CAMK1D: variants seen among roughly 807,000 people sequenced by gnomAD.
CAMK1D encodes the protein calcium/calmodulin-dependent protein kinase type 1D.
Under a neutral mutation model 47.7 loss-of-function variants are expected in CAMK1D, and 9 were observed. The observed-to-expected ratio is 0.19, with a 90% CI of 0.11 to 0.33. CAMK1D has a LOEUF of 0.33. CAMK1D is among the 10% of genes least tolerant of loss of function. The probability of loss-of-function intolerance (pLI) is 1.00; values close to 1 mark genes in which losing one functional copy is unlikely to be tolerated. For missense variants in CAMK1D, 291 were observed against 488.7 expected (o/e 0.60, Z 3.81); for synonymous variants, 184 against 184.9 (o/e 0.99, Z 0.04).
chr10:12,506,861 G>A (rs190064340), intron 1 of CAMK1D, among the ~76,000 whole-genome samples: 251 of 152,278 alleles, frequency 1.6e-3, no homozygotes, highest in African/African-American at 5.6e-3. Context: ...CCCCGAGCCC[G>A]AGGGTAGGAC....
At chr10:12,747,798 A>G (rs749962761) in intron 3 of CAMK1D, among the ~76,000 whole-genome samples, 2 of 152,122 alleles carry the variant, frequency 1.3e-5, no homozygotes, top group Non-Finnish European at 2.9e-5. Flanking sequence ...TCAAAGTCCA[A>G]AGGCAGGAAA....
intron 1 of CAMK1D, among the ~76,000 whole-genome samples, chr10:12,420,636 CT>C (rs1257252189): frequency 1.3e-5 from 2 of 152,080 alleles, no homozygotes; most frequent in African/African-American, 4.8e-5. Context: ...TTCTAACAGC[CT>C]CTGTCTTGCT....
intron 2 of CAMK1D, among the ~76,000 whole-genome samples, chr10:12,643,908 C>T (rs1839745191): frequency 6.6e-6 from 1 of 151,378 alleles, no homozygotes; most frequent in African/African-American, 2.4e-5. Flanking sequence ...AAATCTAATG[C>T]GTGATGATCT....
chr10:12,820,758 G>T, intron 8 of CAMK1D, among the ~76,000 whole-genome samples: 1 of 152,214 alleles, frequency 6.6e-6, no homozygotes, highest in Non-Finnish European at 1.5e-5. Flanking sequence ...GCAGATGGAG[G>T]CAGCCGGCCT....
intron 6 of CAMK1D, among the ~76,000 whole-genome samples, chr10:12,803,942 C>T (rs1838599724): frequency 2.0e-5 from 3 of 152,184 alleles, no homozygotes; most frequent in African/African-American, 4.8e-5. Context: ...GAGGCGCCAC[C>T]TGTCAACTGT....
rs187995841 is a variant in CAMK1D, at chr10:12,383,561, C to T, written c.92+33651C>T. ...AATCTTCTTGAACTTCAGAATTACT[C>T]GAGCTTGTTATTTTCTCTTTCTTAC... is the stretch of plus-strand genomic sequence containing the variant. On this transcript the variant is annotated intron_variant, in intron 1 of 10. Coordinates refer to ENST00000619168, the MANE Select transcript of CAMK1D (RefSeq NM_153498.4). Among the ~76,000 whole-genome samples the T allele has an allele frequency of 3.0e-4, 46 of 152,206 alleles. No individual in the cohort carries two copies. The South Asian group carries it at 5.6e-3, about 19-fold the overall frequency.
intron 5 of CAMK1D, among the ~76,000 whole-genome samples, chr10:12,776,275 G>A (rs963721375): frequency 1.3e-5 from 2 of 152,218 alleles, no homozygotes; most frequent in African/African-American, 2.4e-5. Flanking sequence ...AGGTTTTTGG[G>A]CCTGATAACC....
intron 5 of CAMK1D, among the ~76,000 whole-genome samples, chr10:12,770,518 A>G (rs929632340): frequency 3.9e-5 from 6 of 152,246 alleles, no homozygotes; most frequent in Non-Finnish European, 8.8e-5. Context: ...TAAAGTTGCT[A>G]CTATGTACCT....
chr10:12,464,814 T>TA lies in CAMK1D; in HGVS notation c.93-88394dup, dbSNP rs11286227. Among the ~76,000 whole-genome samples, 84 of 142,386 alleles carry TA rather than the reference T, an allele frequency of 5.9e-4. 1 individual carries two copies. The highest frequency in any genetic ancestry group is 2.7e-3 in the Admixed American group (38 of 14,182). 93.4% of individuals were successfully genotyped at this position (142,386 alleles called of 152,430 possible). On this transcript the variant is annotated intron_variant, in intron 1 of 10. Transcript: ENST00000619168. ...TGGGTGACAGAGCGAGACTCCATCT[T>TA]AAAAAAAAAAAAAAAAAGAGTGATC...
chr10:12,484,432 A>C (rs61681253), intron 1 of CAMK1D, among the ~76,000 whole-genome samples: 4,637 of 152,300 alleles, frequency 0.03, 233 homozygotes, highest in African/African-American at 0.11. Context: ...GGGATCACAC[A>C]ATCGTTCTTC....
At chr10:12,759,700 C>G (rs528012448) in intron 3 of CAMK1D, among the ~76,000 whole-genome samples, 2 of 151,386 alleles carry the variant, frequency 1.3e-5, no homozygotes, top group Non-Finnish European at 2.9e-5. Flanking sequence ...GAAACATTAT[C>G]CAAGCACAAT....
chr10:12,567,125 C>T (rs1346365573), intron 2 of CAMK1D, among the ~76,000 whole-genome samples: 3 of 152,194 alleles, frequency 2.0e-5, no homozygotes, highest in Non-Finnish European at 2.9e-5. Flanking sequence ...TACTACTTCT[C>T]GGAAGTGCAG....
At chr10:12,456,409 G>A (rs915150807) in intron 1 of CAMK1D, 1 of 152,154 alleles carries the variant, frequency 6.6e-6, no homozygotes, top group Admixed American at 6.5e-5. Context: ...ATTGTTGGAT[G>A]CAAGTTTAAT....
intron 7 of CAMK1D, among the ~76,000 whole-genome samples, chr10:12,814,553 C>T (rs564699696): frequency 1.3e-5 from 2 of 152,128 alleles, no homozygotes; most frequent in African/African-American, 2.4e-5. Context: ...TGGTGAGGGC[C>T]CACTTTCTGG....
At chr10:12,587,714 G>A (rs1009188731) in intron 2 of CAMK1D, among the ~76,000 whole-genome samples, 1 of 152,084 alleles carries the variant, frequency 6.6e-6, no homozygotes, top group Non-Finnish European at 1.5e-5. Flanking sequence ...TTTCCTTCTT[G>A]TAATAAAACA....
intron 5 of CAMK1D, among the ~76,000 whole-genome samples, chr10:12,788,188 T>C (rs1275278482): frequency 6.8e-6 from 1 of 147,576 alleles, no homozygotes; most frequent in Non-Finnish European, 1.5e-5. Context: ...TATTTTATTT[T>C]TATTTATGTA....
chr10:12,510,688 CAGG>C (rs1835015456), intron 1 of CAMK1D, among the ~76,000 whole-genome samples: 1 of 152,194 alleles, frequency 6.6e-6, no homozygotes, highest in Non-Finnish European at 1.5e-5. Context: ...TCACCAATGA[CAGG>C]AGATTTCATT....
intron 1 of CAMK1D, among the ~76,000 whole-genome samples, chr10:12,429,086 C>T (rs59466837): frequency 0.014 from 2,099 of 152,278 alleles, 49 homozygotes; most frequent in African/African-American, 0.048. Flanking sequence ...GGTGTGGCCT[C>T]TGCCCACCCA....
intron 6 of CAMK1D, among the ~76,000 whole-genome samples, chr10:12,810,152 A>T (rs1289550200): frequency 1.3e-4 from 10 of 75,120 alleles, no homozygotes; most frequent in African/African-American, 8.1e-4. Context: ...CTGTCTCATT[A>T]AAAAAAAAAA....
Sources: allele counts gnomAD v4.1 joint callset (sites outside exome capture counted in the v4.1 genomes callset), GRCh38; gene constraint gnomAD v4.1.1; transcripts MANE v1.5; gene names NCBI Gene and HGNC (gene_info 2026-07-23, HGNC 2026-07-21).